Variants in GEMIN2 observed in about 807,000 individuals in gnomAD.
The protein encoded by GEMIN2 is gem nuclear organelle associated protein 2.
GEMIN2 carries 37 observed loss-of-function variants against 45.8 expected under a neutral mutation model. The ratio of observed to expected loss-of-function variants is 0.81; its 90% CI spans 0.62 to 1.06. The LOEUF is 1.06. Ranked by LOEUF, GEMIN2 falls within the 50% of genes least tolerant of loss-of-function variation. GEMIN2 has a pLI of 0.00. For missense variants in GEMIN2, 335 were observed against 321.8 expected, an observed-to-expected ratio of 1.04 and a Z score of -0.31; for synonymous variants, 101 against 111.5, an observed-to-expected ratio of 0.91 and a Z score of 0.60.
At chr14:39,128,494 T>C (rs1344279976) in intron 7 of GEMIN2, 146 bp downstream of exon 7, 3 of 479,160 alleles carry the variant, frequency 6.3e-6, no homozygotes, top group East Asian at 7.0e-5. Context: ...TCTTTTTTTT[T>C]TTTTTTTTTT....
chr14:39,120,905 G>A (rs2052565736), intron 4 of GEMIN2, among the ~76,000 whole-genome samples: 5 of 152,138 alleles, frequency 3.3e-5, no homozygotes, highest in Non-Finnish European at 7.3e-5. Flanking sequence ...TTATCCCTAG[G>A]GGGAAAATGC....
chr14:39,132,551 A>G (rs1040436425), intron 8 of GEMIN2, among the ~76,000 whole-genome samples: 2 of 152,096 alleles, frequency 1.3e-5, no homozygotes, highest in African/African-American at 4.8e-5. Context: ...TAGGTAAAAA[A>G]ATTAGATTTT....
At chr14:39,115,288 C>A (rs553080250) in intron 2 of GEMIN2, among the ~76,000 whole-genome samples, 2 of 152,308 alleles carry the variant, frequency 1.3e-5, no homozygotes, top group East Asian at 3.9e-4. Context: ...CCCTCCTCTG[C>A]CACCCAAAGC....
intron 7 of GEMIN2, among the ~76,000 whole-genome samples, chr14:39,129,732 A>G (rs866823735): frequency 6.7e-6 from 1 of 149,536 alleles, no homozygotes; most frequent in South Asian, 2.1e-4. Context: ...ATTTATATTT[A>G]TATTTGTATA....
rs77967037 is a variant in GEMIN2, at chr14:39,133,645, C to CTT, written c.712-4_712-3dup. On this transcript the variant is annotated splice_polypyrimidine_tract_variant and intron_variant, in intron 8 of 9. Transcript: ENST00000308317. ...AGGAACAGACAATATTTAAATTTTTCTTTTTTTTTTTTTAGGATAGCAAAG... is the reference window on the plus strand; with the variant it reads ...AGGAACAGACAATATTTAAATTTTTCTTTTTTTTTTTTTTTAGGATAGCAAAG... 3,800 of 1,147,910 alleles carry CTT rather than the reference C, an allele frequency of 3.3e-3. 2 individuals carry two copies. The highest frequency in any genetic ancestry group is 4.0e-3 in the Non-Finnish European group (3,347 of 829,734). The allele number at this position is 1,147,910 out of a possible 1,614,324, so 71.1% of individuals were successfully genotyped here. A position where few individuals can be genotyped will look rare whatever the true frequency, so the allele number is the denominator to read the frequency against.
intron 7 of GEMIN2, among the ~76,000 whole-genome samples, chr14:39,128,626 G>A (rs1189719836): frequency 1.3e-5 from 2 of 151,038 alleles, no homozygotes; most frequent in African/African-American, 4.9e-5. Flanking sequence ...GAGTAGCTGG[G>A]ACTACAGGCG....
chr14:39,125,466 G>A (rs1208190564), intron 6 of GEMIN2, among the ~76,000 whole-genome samples: 1 of 152,016 alleles, frequency 6.6e-6, no homozygotes, highest in Non-Finnish European at 1.5e-5. Flanking sequence ...CACCATGCCT[G>A]GCTAATTTTT....
rs772127692 is a variant in GEMIN2, at chr14:39,125,050, T to C, written c.531+14T>C. ...AGAATGAATCAGGTAAAATTAATAA[T>C]AGAGATATATGCATTCTTTTGTTTG... On this transcript the variant is annotated intron_variant, in intron 6 of 9. Coordinates refer to ENST00000308317, the MANE Select transcript of GEMIN2 (RefSeq NM_003616.3). 9 of 1,190,944 alleles carry C rather than the reference T, an allele frequency of 7.6e-6. No individual in the cohort carries two copies. The highest frequency in any genetic ancestry group is 1.1e-5 in the Non-Finnish European group (9 of 798,108). 73.8% of individuals were successfully genotyped at this position (1,190,944 alleles called of 1,614,324 possible).
chr14:39,127,474 C>T (rs1000789668), intron 6 of GEMIN2, among the ~76,000 whole-genome samples: 1 of 150,380 alleles, frequency 6.6e-6, no homozygotes, highest in Admixed American at 6.7e-5. Flanking sequence ...TCCCTAGTAG[C>T]TGGGACTGCA....
intron 6 of GEMIN2, among the ~76,000 whole-genome samples, chr14:39,127,592 G>T (rs188004561): frequency 6.6e-6 from 1 of 151,760 alleles, no homozygotes; most frequent in Non-Finnish European, 1.5e-5. Flanking sequence ...CACCTGCCTC[G>T]GCCTCCCAAA....
intron 7 of GEMIN2, among the ~76,000 whole-genome samples, chr14:39,131,329 A>T (rs924683447): frequency 5.6e-4 from 85 of 152,348 alleles, no homozygotes; most frequent in African/African-American, 1.9e-3. Flanking sequence ...TACGAATAGG[A>T]AAAACAAGAA....
chr14:39,133,197 A>G (rs2052742697), intron 8 of GEMIN2, among the ~76,000 whole-genome samples: 2 of 144,564 alleles, frequency 1.4e-5, no homozygotes, highest in South Asian at 4.3e-4. Context: ...TAGAGGAACA[A>G]TAAGAATCCT....
intron 4 of GEMIN2, among the ~76,000 whole-genome samples, chr14:39,120,031 C>T (rs1282960423): frequency 2.0e-5 from 3 of 151,900 alleles, no homozygotes; most frequent in Admixed American, 6.6e-5. Context: ...TCTTACTTAG[C>T]GGAAGGCCTT....
At chr14:39,127,346 T>G (rs913402432) in intron 6 of GEMIN2, among the ~76,000 whole-genome samples, 3 of 137,638 alleles carry the variant, frequency 2.2e-5, no homozygotes, top group African/African-American at 2.7e-5. Flanking sequence ...GTTTTTTTTT[T>G]TTTTTTTTTT....
intron 5 of GEMIN2, among the ~76,000 whole-genome samples, chr14:39,123,702 ATATATATTTTTTTT>A (rs2052604723): frequency 6.3e-5 from 3 of 47,832 alleles, no homozygotes; most frequent in Non-Finnish European, 1.2e-4. Flanking sequence ...ATATATATAT[ATATATATTTTTTTT>A]TTTTTTTTTT....
intron 9 of GEMIN2, among the ~76,000 whole-genome samples, chr14:39,135,963 G>A (rs1166639365): frequency 6.6e-6 from 1 of 152,030 alleles, no homozygotes; most frequent in African/African-American, 2.4e-5. Context: ...GCTCAAGCCT[G>A]TAATTCCAGC....
intron 2 of GEMIN2, among the ~76,000 whole-genome samples, chr14:39,116,236 A>G (rs897479485): frequency 2.0e-4 from 31 of 151,982 alleles, no homozygotes; most frequent in African/African-American, 7.5e-4. Context: ...TGGTTTTACC[A>G]TGTTGGCCAG....
At chr14:39,124,388 C>T (rs763172120) in intron 5 of GEMIN2, among the ~76,000 whole-genome samples, 9 of 151,936 alleles carry the variant, frequency 5.9e-5, no homozygotes, top group Admixed American at 2.6e-4. Flanking sequence ...ATTGGATATA[C>T]TTAATAAGTT....
intron 6 of GEMIN2, among the ~76,000 whole-genome samples, chr14:39,127,336 G>GCT (rs2052656594): frequency 1.8e-5 from 1 of 56,044 alleles, no homozygotes; most frequent in Non-Finnish European, 3.3e-5. Flanking sequence ...GTGTGCCATT[G>GCT]TTTTTTTTTT....
Sources: allele counts gnomAD v4.1 joint callset (sites outside exome capture counted in the v4.1 genomes callset), GRCh38; gene constraint gnomAD v4.1.1; transcripts MANE v1.5; gene names NCBI Gene and HGNC (gene_info 2026-07-23, HGNC 2026-07-21).